The following ABCF1 variants were observed in gnomAD, a reference collection of about 807,000 sequenced individuals.
ABCF1 encodes the protein ATP-binding cassette sub-family F member 1.
In ABCF1, 73 loss-of-function variants were observed where a neutral mutation model predicts 126.3. The observed-to-expected ratio is 0.58, with a 90% CI of 0.48 to 0.70. The LOEUF is 0.70. ABCF1 is among the 30% of genes least tolerant of loss of function. ABCF1 has a pLI of 0.00. For synonymous variants in ABCF1, 345 were observed against 396.4 expected, an observed-to-expected ratio of 0.87 and a Z score of 1.54; for missense variants, 786 against 1,057.5, an observed-to-expected ratio of 0.74 and a Z score of 3.56.
chr6:30,586,006 G>C lies in ABCF1; in HGVS notation c.1713+15G>C, dbSNP rs1427846560. The C allele has an allele frequency of 6.2e-7, 1 of 1,602,976 alleles. No individual in the cohort carries two copies. The highest frequency in any genetic ancestry group is 2.2e-5 in the East Asian group (1 of 44,584). ...CCAAGCAGGCGGTGAGCACCTGAGG[G>C]ACTTCTGGGCTGGGGGCCACTGTTC... On this transcript the variant is annotated intron_variant, in intron 17 of 24. Transcript: ENST00000326195. The surrounding 1 kb of genome is among the most constrained non-coding windows in gnomAD (Gnocchi z 4.9).
chr6:30,579,834 G>GGTTA, intron 6 of ABCF1, 97 bp from the exon 7 acceptor site: 1 of 1,204,724 alleles, frequency 8.3e-7, no homozygotes, highest in Non-Finnish European at 1.2e-6. Flanking sequence ...GCATGTGTAT[G>GGTTA]GTTAACACAG....
At position 30,586,097 on chromosome 6, in the gene ABCF1, A is replaced by G. The variant is rs1802110044; in HGVS notation, c.1714-37A>G. The G allele has an allele frequency of 6.2e-7, 1 of 1,604,730 alleles. No individual in the cohort carries two copies. The highest frequency in any genetic ancestry group is 1.3e-5 in the African/African-American group (1 of 74,282). On this transcript the variant is annotated intron_variant, in intron 17 of 24. Coordinates refer to ENST00000326195, the MANE Select transcript of ABCF1 (RefSeq NM_001025091.2). The surrounding 1 kb of genome is among the most constrained non-coding windows in gnomAD (Gnocchi z 4.9). ...GCCTACATTTCAAGGACTGCCGCGC[A>G]GGGCTCAGGTTTCTCTTTTTTCCTC...
intron 7 of ABCF1, among the ~76,000 whole-genome samples, 199 bp downstream of exon 7, chr6:30,580,204 G>A (rs568821875): frequency 1.3e-5 from 2 of 151,990 alleles, no homozygotes; most frequent in East Asian, 1.9e-4. Context: ...AAAATTAGCC[G>A]GGCGTGGTGG....
At chr6:30,576,127 G>A (rs1157040781) in intron 1 of ABCF1, among the ~76,000 whole-genome samples, 1 of 147,276 alleles carries the variant, frequency 6.8e-6, no homozygotes, top group African/African-American at 2.5e-5. Context: ...ACATGTGTGT[G>A]TATCTACACA....
chr6:30,581,725 A>G (rs1338383202), intron 8 of ABCF1, among the ~76,000 whole-genome samples: 4 of 152,046 alleles, frequency 2.6e-5, no homozygotes, highest in Non-Finnish European at 5.9e-5. Context: ...TTTTCTTTGC[A>G]TGTTAACAAG....
intron 15 of ABCF1, 94 bp downstream of exon 15, chr6:30,585,437 C>G: frequency 6.4e-7 from 1 of 1,573,176 alleles, no homozygotes. Flanking sequence ...TCCACTGTGC[C>G]TGTGAGTGGA....
chr6:30,583,012 T>C lies in ABCF1; in HGVS notation c.793-54T>C. ...CCAGCCAGCATGGGCTGTTTCATGG[T>C]GATGGGAAACTGGTAGACTGTGGCT... On this transcript the variant is annotated intron_variant, in intron 9 of 24. Coordinates refer to ENST00000326195, the MANE Select transcript of ABCF1 (RefSeq NM_001025091.2). This position sits in a 1 kb window ranked among gnomAD's most constrained non-coding sequence, Gnocchi z 4.1. 6.3e-7 allele frequency: 1 copy of C among 1,575,844 alleles called. No individual in the cohort carries two copies. Among genetic ancestry groups the C allele is most frequent in the Non-Finnish European group, 8.7e-7 (1 of 1,153,974 alleles).
At position 30,580,013 on chromosome 6, in the gene ABCF1, AGTAACTAGCAGGAGGAG is replaced by A. The variant is rs745451937; in HGVS notation, c.564+12_564+28del. 2 of 1,612,036 alleles carry A rather than the reference AGTAACTAGCAGGAGGAG, an allele frequency of 1.2e-6. No homozygotes were observed. Among genetic ancestry groups the A allele is most frequent in the South Asian group, 2.2e-5 (2 of 91,052 alleles). ...TCAAAAGGGAAGGCTAAGGTGAGAG[AGTAACTAGCAGGAGGAG>A]GTATTGGGGCCCAGGAATTAAAACA... On this transcript the variant is annotated intron_variant, in intron 7 of 24. Coordinates refer to ENST00000326195, the MANE Select transcript of ABCF1 (RefSeq NM_001025091.2).
In ABCF1 at chr6:30,574,725, G is replaced by A. The variant is rs771800479; in HGVS notation, c.74-2684G>A. 6.6e-6 allele frequency among the ~76,000 whole-genome samples: 1 copy of A among 151,972 alleles called. No homozygotes were observed. Among genetic ancestry groups the A allele is most frequent in the Non-Finnish European group, 1.5e-5 (1 of 67,974 alleles). On this transcript the variant is annotated intron_variant, in intron 1 of 24. Transcript: ENST00000326195. This position sits in a 1 kb window ranked among gnomAD's most constrained non-coding sequence, Gnocchi z 4.3. ...TTAACTTTTTTGTTTGTTTTTTGTG[G>A]TTTGTTTTTTGGGGAGGAGGAGGGC... is the stretch of plus-strand genomic sequence containing the variant.
At chr6:30,577,977 C>A in intron 3 of ABCF1, 64 bp downstream of exon 3, 2 of 1,613,256 alleles carry the variant, frequency 1.2e-6, no homozygotes, top group Non-Finnish European at 1.7e-6. Flanking sequence ...CCCTTTCCAG[C>A]CCATGTTGCT....
intron 20 of ABCF1, among the ~76,000 whole-genome samples, chr6:30,587,046 A>G (rs901318993): frequency 6.6e-6 from 1 of 152,152 alleles, no homozygotes; most frequent in Admixed American, 6.6e-5. Context: ...CCTAAGGTCA[A>G]GAGTTCCAGA....
chr6:30,579,886 A>G (rs147954524), intron 6 of ABCF1, 45 bp from the exon 7 acceptor site: 32 of 1,584,526 alleles, frequency 2.0e-5, no homozygotes, highest in African/African-American at 1.2e-4. Flanking sequence ...AAGTAGCACA[A>G]TAATTTGTAT....
chr6:30,576,851 G>C (rs1302189049), intron 1 of ABCF1, among the ~76,000 whole-genome samples: 1 of 152,154 alleles, frequency 6.6e-6, no homozygotes, highest in African/African-American at 2.4e-5. Context: ...CAGTCTGTAA[G>C]CTTAGCCATA....
intron 9 of ABCF1, 93 bp from the exon 10 acceptor site, chr6:30,582,973 G>A (rs910631482): frequency 9.3e-6 from 14 of 1,507,850 alleles, no homozygotes; most frequent in Admixed American, 5.7e-5. Flanking sequence ...GATTACAGGC[G>A]TGAGCCAGCA....
Position 30,574,246 on chromosome 6 carries a change from C to T in ABCF1, c.73+2686C>T, listed in dbSNP as rs961278715. Among the ~76,000 whole-genome samples, 1 of 152,096 alleles carries T rather than the reference C, an allele frequency of 6.6e-6. No homozygotes were observed. Among genetic ancestry groups the T allele is most frequent in the Admixed American group, 6.5e-5 (1 of 15,280 alleles). On this transcript the variant is annotated intron_variant, in intron 1 of 24. Coordinates refer to ENST00000326195, the MANE Select transcript of ABCF1 (RefSeq NM_001025091.2). The surrounding 1 kb of genome is among the most constrained non-coding windows in gnomAD (Gnocchi z 4.3). Reference sequence around the variant, plus strand: ...CAATCGCAGGCTCAAGCCATCTTCCCTTGTAGCTGGGACTACAGGCACACA... The same window carrying T: ...CAATCGCAGGCTCAAGCCATCTTCCTTTGTAGCTGGGACTACAGGCACACA...
At position 30,590,609 on chromosome 6, in the gene ABCF1, A is replaced by T; in HGVS notation, c.2446A>T (p.Ser816Cys). The change falls in exon 25 of 25, where the codon AGT becomes TGT. Residue 816 changes from serine (S) to cysteine (C), a missense_variant. This residue lies in a region of ABCF1 where 288 missense variants were observed against 423.5 expected (regional missense o/e 0.68). Coordinates refer to ENST00000326195, the MANE Select transcript of ABCF1 (RefSeq NM_001025091.2). Reference protein sequence around the residue: ...NCQLWVVEEQSVSQIDGDFED... With the variant: ...NCQLWVVEEQCVSQIDGDFED... The stretch of plus-strand genomic sequence containing the variant: ...CCAGCTGTGGGTGGTGGAGGAGCAG[A>T]GTGTTAGCCAAATCGATGGTGACTT... 6.2e-7 allele frequency: 1 copy of T among 1,612,988 alleles called. No individual in the cohort carries two copies. Among genetic ancestry groups the T allele is most frequent in the Non-Finnish European group, 8.5e-7 (1 of 1,180,002 alleles).
Position 30,584,418 on chromosome 6 carries a change from G to C in ABCF1, c.1243G>C (p.Val415Leu). 6.2e-7 allele frequency: 1 copy of C among 1,613,110 alleles called. No homozygotes were observed. The highest frequency in any genetic ancestry group is 8.5e-7 in the Non-Finnish European group (1 of 1,180,028). ...TGTGTCCTCTTCTCCCTCCTCCCAG[G>C]TGTATGAGGAATTGCGGGCCACTGG... ...DDTAAERLEKVYEELRATGAA... is the reference protein window; with the variant it reads ...DDTAAERLEKLYEELRATGAA... Residue 415 changes from valine to leucine, a missense_variant and splice_region_variant, in exon 14 of 25, where the codon GTG (valine) becomes CTG (leucine). Coordinates refer to ENST00000326195, the MANE Select transcript of ABCF1 (RefSeq NM_001025091.2). The surrounding 1 kb of genome is among the most constrained non-coding windows in gnomAD (Gnocchi z 4.6).
intron 8 of ABCF1, among the ~76,000 whole-genome samples, chr6:30,581,726 T>C (rs141806729): frequency 0.011 from 1,666 of 152,182 alleles, 28 homozygotes; most frequent in African/African-American, 0.038. Context: ...TTTCTTTGCA[T>C]GTTAACAAGG....
In ABCF1 at chr6:30,590,557, T is replaced by A; in HGVS notation, c.2394T>A (p.Asp798Glu). 6.2e-7 allele frequency: 1 copy of A among 1,612,576 alleles called. No individual in the cohort carries two copies. The highest frequency in any genetic ancestry group is 2.2e-5 in the East Asian group (1 of 44,890). ...YKGAVIVVSH[D>E]ARLITETNCQ... ...AAGCTGTGATCGTTGTCAGCCATGATGCCCGACTCATCACAGAAACCAATT... is the reference window on the plus strand; with the variant it reads ...AAGCTGTGATCGTTGTCAGCCATGAAGCCCGACTCATCACAGAAACCAATT... Residue 798 changes from aspartate (D) to glutamate (E), a missense_variant, in exon 25 of 25, where the codon GAT becomes GAA. Asp to Glu is a conservative substitution (Grantham distance 45). Transcript: ENST00000326195.
Sources: gnomAD v4.1 joint callset for allele counts (sites outside exome capture counted in the v4.1 genomes callset) on GRCh38, gnomAD v4.1.1 for gene constraint, gnomAD v4.1.1 regional missense constraint, Gnocchi (gnomAD v3.1) non-coding constraint, MANE v1.5 for transcripts, NCBI Gene and HGNC (gene_info 2026-07-23, HGNC 2026-07-21) for gene names.